EYS: variants seen among roughly 807,000 people sequenced by gnomAD.
EYS encodes protein eyes shut homolog.
Under a neutral mutation model 282.1 loss-of-function variants are expected in EYS, and 250 were observed. The observed-to-expected ratio is 0.89, with a 90% CI of 0.80 to 0.98. The LOEUF is 0.98. EYS is among the 50% of genes least tolerant of loss of function. The pLI is 0.00. For missense variants in EYS, 4,016 were observed against 3,709.0 expected (o/e 1.08, Z -2.15); for synonymous variants, 1,355 against 1,282.9 (o/e 1.06, Z -1.20).
intron 26 of EYS, among the ~76,000 whole-genome samples, chr6:64,444,145 T>C (rs922519179): frequency 6.6e-6 from 1 of 152,190 alleles, no homozygotes; most frequent in Non-Finnish European, 1.5e-5. Flanking sequence ...TCATTAGGCA[T>C]CCACCTTATA....
At chr6:64,907,864 T>C (rs947418631) in intron 16 of EYS, among the ~76,000 whole-genome samples, 1 of 152,130 alleles carries the variant, frequency 6.6e-6, no homozygotes, top group Non-Finnish European at 1.5e-5. Flanking sequence ...AGATAATGAT[T>C]TTCTCACAAG....
intron 13 of EYS, among the ~76,000 whole-genome samples, chr6:65,027,714 CA>C (rs1326354185): frequency 6.6e-6 from 1 of 152,102 alleles, no homozygotes. Flanking sequence ...TAAGACTTAT[CA>C]GTATTGTATT....
chr6:64,156,240 A>G (rs1260481408), intron 31 of EYS, among the ~76,000 whole-genome samples: 1 of 152,042 alleles, frequency 6.6e-6, no homozygotes, highest in Admixed American at 6.6e-5. Context: ...TAAGTCTCAC[A>G]AGATTTGATG....
intron 2 of EYS, among the ~76,000 whole-genome samples, chr6:65,509,792 C>T (rs1766794649): frequency 6.6e-6 from 1 of 152,030 alleles, no homozygotes; most frequent in Non-Finnish European, 1.5e-5. Context: ...CAAGCAATTC[C>T]TTTCTGTTTA....
chr6:64,922,278 T>C (rs1176570407), intron 15 of EYS, among the ~76,000 whole-genome samples: 1 of 152,202 alleles, frequency 6.6e-6, no homozygotes, highest in Non-Finnish European at 1.5e-5. Context: ...TTGTTTCTCA[T>C]TGACAAGGAC....
At chr6:64,070,249 T>G (rs1294396811) in intron 32 of EYS, among the ~76,000 whole-genome samples, 1 of 152,140 alleles carries the variant, frequency 6.6e-6, no homozygotes, top group Non-Finnish European at 1.5e-5. Flanking sequence ...TGAATGGATG[T>G]TTTACTCAGT....
intron 2 of EYS, among the ~76,000 whole-genome samples, chr6:65,589,838 G>T (rs772951052): frequency 1.5e-4 from 23 of 151,970 alleles, no homozygotes; most frequent in Non-Finnish European, 2.5e-4. Flanking sequence ...GTTTTGGGGG[G>T]TGATAATGGC....
At chr6:65,031,426 A>G (rs1375068463) in intron 13 of EYS, among the ~76,000 whole-genome samples, 1 of 152,100 alleles carries the variant, frequency 6.6e-6, no homozygotes, top group Non-Finnish European at 1.5e-5. Context: ...AACAGAATAT[A>G]TATTCTTCTC....
chr6:64,448,579 C>G (rs955486157), intron 26 of EYS, among the ~76,000 whole-genome samples: 10 of 152,144 alleles, frequency 6.6e-5, no homozygotes, highest in African/African-American at 2.4e-4. Context: ...CCCTGACCCC[C>G]AAGTAGCCTA....
chr6:64,922,109 A>C (rs538923661), intron 15 of EYS, among the ~76,000 whole-genome samples: 1 of 152,230 alleles, frequency 6.6e-6, no homozygotes. Context: ...GAAAATCAGC[A>C]GTCCTGTTGC....
chr6:65,696,364 T>C (rs1333761274), intron 1 of EYS, among the ~76,000 whole-genome samples: 1 of 152,070 alleles, frequency 6.6e-6, no homozygotes, highest in Non-Finnish European at 1.5e-5. Context: ...TTTCAAATTA[T>C]ATTACCTAAA....
intron 28 of EYS, among the ~76,000 whole-genome samples, chr6:64,408,710 G>C (rs1773797891): frequency 6.6e-6 from 1 of 152,198 alleles, no homozygotes; most frequent in Admixed American, 6.5e-5. Context: ...GTAGGGTACA[G>C]AGAATTGGTA....
intron 31 of EYS, among the ~76,000 whole-genome samples, chr6:64,151,311 G>GTATATTTATATATATATATA (rs1297331132): frequency 1.1e-5 from 1 of 87,166 alleles, no homozygotes. Flanking sequence ...GTGTGTGTGT[G>GTATATTTATATATATATATA]TATATTTATA....
chr6:64,548,274 T>G (rs1764946404), intron 26 of EYS, among the ~76,000 whole-genome samples: 1 of 152,212 alleles, frequency 6.6e-6, no homozygotes, highest in African/African-American at 2.4e-5. Context: ...GTGTGGCGAT[T>G]CCTCAGGGAT....
At position 65,465,632 on chromosome 6, in the gene EYS, GATAA is replaced by G. The variant is rs1472373049; in HGVS notation, c.862+24958_862+24961del. The stretch of plus-strand genomic sequence containing the variant: ...CAGAGAAAAGCACAATTAGCGTTGA[GATAA>G]ATAAATATATTTTTAAAATTCAAAT... On this transcript the variant is annotated intron_variant, in intron 5 of 42. Coordinates refer to ENST00000503581, the MANE Select transcript of EYS (RefSeq NM_001142800.2). 2.0e-5 allele frequency among the ~76,000 whole-genome samples: 3 copies of G among 152,248 alleles called. No homozygotes were observed. In the South Asian group the frequency reaches 6.2e-4, roughly 32 times the overall value.
At chr6:65,238,326 CT>C (rs2150273765) in intron 12 of EYS, among the ~76,000 whole-genome samples, 1 of 151,192 alleles carries the variant, frequency 6.6e-6, no homozygotes, top group African/African-American at 2.4e-5. Context: ...ACTAGAATCA[CT>C]TTTTATCCAT....
chr6:64,648,216 C>G (rs148236593), intron 22 of EYS, among the ~76,000 whole-genome samples: 37 of 152,268 alleles, frequency 2.4e-4, no homozygotes, highest in African/African-American at 8.2e-4. Context: ...GCAGAAACAG[C>G]TGAGCTCCTT....
chr6:65,545,102 T>C (rs1768332079), intron 2 of EYS, among the ~76,000 whole-genome samples: 1 of 152,100 alleles, frequency 6.6e-6, no homozygotes, highest in South Asian at 2.1e-4. Context: ...TTTTCAGTAC[T>C]CTTACATTCA....
At chr6:64,598,019 G>A (rs1162389) in intron 24 of EYS, among the ~76,000 whole-genome samples, 18,626 of 151,948 alleles carry the variant, frequency 0.12, 1,176 homozygotes, top group East Asian at 0.17. Context: ...ATTAATATGC[G>A]TCAACTAAAA....
Sources: gnomAD v4.1 joint callset for allele counts (sites outside exome capture counted in the v4.1 genomes callset) on GRCh38, gnomAD v4.1.1 for gene constraint, MANE v1.5 for transcripts, NCBI Gene and HGNC (gene_info 2026-07-23, HGNC 2026-07-21) for gene names.